PTPRK: variants seen among roughly 807,000 people sequenced by gnomAD.
PTPRK encodes the protein receptor-type tyrosine-protein phosphatase kappa.
Under a neutral mutation model 178.0 loss-of-function variants are expected in PTPRK, and 75 were observed. The ratio of observed to expected loss-of-function variants is 0.42; its 90% CI spans 0.35 to 0.51. The LOEUF is 0.51. PTPRK is among the 20% of genes least tolerant of loss of function. PTPRK has a pLI of 0.02. For synonymous variants in PTPRK, 637 were observed against 620.6 expected (o/e 1.03, Z -0.39); for missense variants, 1,441 against 1,797.8 (o/e 0.80, Z 3.59).
intron 1 of PTPRK, among the ~76,000 whole-genome samples, chr6:128,418,415 C>T (rs1414873843): frequency 6.6e-6 from 1 of 152,218 alleles, no homozygotes; most frequent in East Asian, 1.9e-4. Flanking sequence ...AATGAGCATA[C>T]TGCCTGAGCT....
intron 7 of PTPRK, among the ~76,000 whole-genome samples, chr6:128,165,491 G>T (rs1387254877): frequency 6.6e-6 from 1 of 150,982 alleles, no homozygotes; most frequent in Non-Finnish European, 1.5e-5. Context: ...CCTATGATGA[G>T]GTCTCAGTCT....
At chr6:128,231,784 A>G (rs1812341854) in intron 5 of PTPRK, among the ~76,000 whole-genome samples, 1 of 152,254 alleles carries the variant, frequency 6.6e-6, no homozygotes, top group South Asian at 2.1e-4. Context: ...CTCCAAAACT[A>G]GAAATTGAAA....
At chr6:128,236,437 C>G (rs970955311) in intron 5 of PTPRK, among the ~76,000 whole-genome samples, 1 of 150,836 alleles carries the variant, frequency 6.6e-6, no homozygotes, top group African/African-American at 2.4e-5. Context: ...CAACCTCCGC[C>G]TCCCGGGTTC....
At chr6:128,403,035 C>T (rs1841229007) in intron 1 of PTPRK, among the ~76,000 whole-genome samples, 1 of 152,162 alleles carries the variant, frequency 6.6e-6, no homozygotes, top group South Asian at 2.1e-4. Flanking sequence ...GAAATCCAAA[C>T]CCATTATTTA....
intron 1 of PTPRK, among the ~76,000 whole-genome samples, chr6:128,425,419 C>T (rs915542726): frequency 2.6e-5 from 4 of 152,110 alleles, no homozygotes. Context: ...TCACCCTTTT[C>T]CCCGAGTCCC....
intron 22 of PTPRK, among the ~76,000 whole-genome samples, chr6:127,983,928 G>C (rs1427321594): frequency 1.4e-5 from 2 of 143,346 alleles, no homozygotes; most frequent in Admixed American, 7.2e-5. Context: ...GAGAATGACG[G>C]TTATCAAAGG....
chr6:128,324,353 T>C (rs1258321508), intron 2 of PTPRK, among the ~76,000 whole-genome samples: 2 of 152,144 alleles, frequency 1.3e-5, no homozygotes, highest in Admixed American at 6.6e-5. Flanking sequence ...AGTAAAAATA[T>C]GCTTTGTGTC....
rs1418150038 is a variant in PTPRK at position 128,520,344 on chromosome 6, C to T, written c.15G>A (p.Ala5=). The change falls in exon 1 of 30, where the codon GCG becomes GCA. Residue 5 remains alanine (A), a synonymous_variant. Coordinates refer to ENST00000368226, the MANE Select transcript of PTPRK (RefSeq NM_002844.4). The part of the protein sequence containing the change: MDTT[A]AAALPAFVAL... ...CCACAAAAGCAGGCAGCGCCGCCGC[C>T]GCAGTCGTATCCATGCCGAGTTTGG... 1 of 1,608,694 alleles carries T rather than the reference C, an allele frequency of 6.2e-7. No homozygotes were observed. The highest frequency in any genetic ancestry group is 8.5e-7 in the Non-Finnish European group (1 of 1,177,392).
intron 2 of PTPRK, among the ~76,000 whole-genome samples, chr6:128,377,211 T>A (rs923045758): frequency 6.6e-6 from 1 of 152,220 alleles, no homozygotes; most frequent in African/African-American, 2.4e-5. Flanking sequence ...TTGGGTAATT[T>A]ATGCAGGAAA....
intron 1 of PTPRK, among the ~76,000 whole-genome samples, chr6:128,404,389 C>T (rs755257263): frequency 1.5e-4 from 23 of 152,246 alleles, no homozygotes; most frequent in Non-Finnish European, 1.3e-4. Context: ...TACATGCATA[C>T]ATGCGTGCAA....
chr6:128,202,317 C>A (rs1052703051), intron 6 of PTPRK, among the ~76,000 whole-genome samples: 1 of 152,136 alleles, frequency 6.6e-6, no homozygotes, highest in African/African-American at 2.4e-5. Context: ...ACGCTTCTCC[C>A]GTAAATATTT....
At chr6:128,125,203 C>G (rs530731866) in intron 7 of PTPRK, among the ~76,000 whole-genome samples, 24 of 152,288 alleles carry the variant, frequency 1.6e-4, no homozygotes, top group Non-Finnish European at 2.9e-4. Flanking sequence ...TGTCCCCACC[C>G]AAATCTCATG....
chr6:128,325,052 T>A (rs1469395212), intron 2 of PTPRK, among the ~76,000 whole-genome samples: 1 of 152,174 alleles, frequency 6.6e-6, no homozygotes, highest in Admixed American at 6.6e-5. Flanking sequence ...AGTTTAGTTA[T>A]CTCAAGGCTT....
chr6:128,368,216 AG>A (rs892731036), intron 2 of PTPRK, among the ~76,000 whole-genome samples: 1 of 152,234 alleles, frequency 6.6e-6, no homozygotes, highest in African/African-American at 2.4e-5. Flanking sequence ...GAATAAATTT[AG>A]GGTGACAGAG....
intron 3 of PTPRK, among the ~76,000 whole-genome samples, chr6:128,311,231 A>T (rs1271309414): frequency 6.6e-6 from 1 of 152,188 alleles, no homozygotes. Flanking sequence ...GAACAACGCA[A>T]CTTCATAGGT....
chr6:128,257,281 T>C (rs755277083), intron 3 of PTPRK, among the ~76,000 whole-genome samples: 4 of 151,648 alleles, frequency 2.6e-5, no homozygotes, highest in Non-Finnish European at 4.4e-5. Flanking sequence ...TTATCTTGCA[T>C]GGACTTCTAC....
chr6:128,483,217 T>G (rs1459454880), intron 1 of PTPRK, among the ~76,000 whole-genome samples: 3 of 152,140 alleles, frequency 2.0e-5, no homozygotes, highest in Non-Finnish European at 4.4e-5. Flanking sequence ...ACAAATTCAT[T>G]TACATCTTGT....
chr6:128,279,801 T>C (rs1490728430), intron 3 of PTPRK, among the ~76,000 whole-genome samples: 1 of 152,174 alleles, frequency 6.6e-6, no homozygotes, highest in South Asian at 2.1e-4. Flanking sequence ...TGGAAGAAAG[T>C]ATTCGTGGAT....
intron 7 of PTPRK, among the ~76,000 whole-genome samples, chr6:128,128,833 CT>C (rs1178361158): frequency 3.9e-5 from 6 of 152,192 alleles, no homozygotes; most frequent in Admixed American, 1.3e-4. Context: ...AGGAAGGATA[CT>C]TTTGTACGTT....
Sources: allele counts gnomAD v4.1 joint callset (sites outside exome capture counted in the v4.1 genomes callset), GRCh38; gene constraint gnomAD v4.1.1; transcripts MANE v1.5; gene names NCBI Gene and HGNC (gene_info 2026-07-23, HGNC 2026-07-21).